Variants in PSD3 observed in about 807,000 individuals in gnomAD.
The protein encoded by PSD3 is pleckstrin and Sec7 domain containing 3, also known as PH and SEC7 domain-containing protein 3.
Under a neutral mutation model 105.5 loss-of-function variants are expected in PSD3, and 49 were observed. The observed-to-expected ratio is 0.46, with a 90% CI of 0.37 to 0.59. PSD3 has a LOEUF of 0.59. PSD3 is among the 20% of genes least tolerant of loss of function. The probability of loss-of-function intolerance (pLI) is 0.00; values close to 1 mark genes in which losing one functional copy is unlikely to be tolerated. For missense variants in PSD3, 1,561 were observed against 1,263.8 expected (o/e 1.24, Z -3.57); for synonymous variants, 557 against 457.8 (o/e 1.22, Z -2.77).
intron 1 of PSD3, among the ~76,000 whole-genome samples, chr8:18,941,152 T>C (rs912259857): frequency 6.6e-6 from 1 of 152,192 alleles, no homozygotes; most frequent in African/African-American, 2.4e-5. Context: ...CTGAATAAAA[T>C]ATATTCTTTT....
At chr8:18,841,536 G>A (rs952634152) in intron 4 of PSD3, among the ~76,000 whole-genome samples, 3 of 151,892 alleles carry the variant, frequency 2.0e-5, no homozygotes, top group Non-Finnish European at 4.4e-5. Context: ...GAGAGCAGAC[G>A]GGGCTCTCTA....
intron 2 of PSD3, among the ~76,000 whole-genome samples, chr8:18,929,562 AC>A (rs1477198051): frequency 4.6e-5 from 7 of 151,854 alleles, no homozygotes; most frequent in Non-Finnish European, 7.4e-5. Context: ...CATACACCCC[AC>A]CTCGTAGAAA....
chr8:18,867,606 T>C, intron 4 of PSD3, 68 bp downstream of exon 4: 3 of 1,510,776 alleles, frequency 2.0e-6, no homozygotes, highest in Non-Finnish European at 2.7e-6. Flanking sequence ...TATTCCACAC[T>C]CAGATTTCCC....
At chr8:18,594,376 TATA>T (rs1431832146) in intron 12 of PSD3, among the ~76,000 whole-genome samples, 1 of 107,132 alleles carries the variant, frequency 9.3e-6, no homozygotes, top group Non-Finnish European at 1.8e-5. Context: ...ATATAAATAA[TATA>T]ATACATTATA....
At chr8:18,720,227 CAT>C (rs1338358560) in intron 9 of PSD3, among the ~76,000 whole-genome samples, 1 of 152,134 alleles carries the variant, frequency 6.6e-6, no homozygotes, top group Non-Finnish European at 1.5e-5. Context: ...AATCCAAAAA[CAT>C]AACCATATTT....
At chr8:18,583,988 C>T (rs903320995) in intron 12 of PSD3, among the ~76,000 whole-genome samples, 2 of 152,060 alleles carry the variant, frequency 1.3e-5, no homozygotes, top group Non-Finnish European at 2.9e-5. Context: ...AGCCAAAGTT[C>T]AGCTGATACT....
At chr8:18,809,045 C>T (rs994177771) in intron 4 of PSD3, 17 of 839,994 alleles carry the variant, frequency 2.0e-5, no homozygotes, top group Middle Eastern at 3.9e-4. Flanking sequence ...ACAGTGAGCC[C>T]AGCCTCGTTC....
chr8:18,788,676 T>TA (rs923308286), intron 8 of PSD3, among the ~76,000 whole-genome samples: 1 of 152,186 alleles, frequency 6.6e-6, no homozygotes, highest in African/African-American at 2.4e-5. Flanking sequence ...CATCCATTGG[T>TA]AAAATCTGGC....
At chr8:18,907,915 T>A (rs1255881495) in intron 2 of PSD3, among the ~76,000 whole-genome samples, 1 of 152,248 alleles carries the variant, frequency 6.6e-6, no homozygotes, top group African/African-American at 2.4e-5. Flanking sequence ...ATTTAATTTT[T>A]ATAATCTTTT....
chr8:18,657,959 T>G (rs921133343), intron 9 of PSD3, among the ~76,000 whole-genome samples: 1 of 152,206 alleles, frequency 6.6e-6, no homozygotes, highest in African/African-American at 2.4e-5. Flanking sequence ...TAGCACAAAT[T>G]TTTTCAAATA....
chr8:18,826,165 C>T (rs1251719067), intron 4 of PSD3, among the ~76,000 whole-genome samples: 1 of 152,210 alleles, frequency 6.6e-6, no homozygotes, highest in Admixed American at 6.5e-5. Flanking sequence ...GGTTCTCAGG[C>T]TTTCATACTC....
chr8:18,952,409 T>A (rs1823297820), intron 1 of PSD3, among the ~76,000 whole-genome samples: 1 of 152,220 alleles, frequency 6.6e-6, no homozygotes, highest in East Asian at 1.9e-4. Flanking sequence ...AATTAAATTT[T>A]AAGTAAACTT....
intron 12 of PSD3, among the ~76,000 whole-genome samples, chr8:18,582,399 C>G (rs1158447756): frequency 6.6e-6 from 1 of 152,166 alleles, no homozygotes; most frequent in Non-Finnish European, 1.5e-5. Context: ...AGTTTTCTCT[C>G]TGGCTTAGTT....
At chr8:18,786,167 G>A (rs896589302) in intron 8 of PSD3, among the ~76,000 whole-genome samples, 3 of 152,252 alleles carry the variant, frequency 2.0e-5, no homozygotes, top group Middle Eastern at 3.4e-3. Context: ...TTGCGCCACT[G>A]CACTCCAGCC....
intron 2 of PSD3, among the ~76,000 whole-genome samples, chr8:18,904,269 C>A (rs185694601): frequency 2.7e-3 from 416 of 152,264 alleles, no homozygotes; most frequent in African/African-American, 9.6e-3. Flanking sequence ...CTCAGGGAGG[C>A]ACCAAGCCAC....
At chr8:18,810,657 G>A (rs1262537055) in intron 4 of PSD3, among the ~76,000 whole-genome samples, 1 of 152,098 alleles carries the variant, frequency 6.6e-6, no homozygotes, top group Non-Finnish European at 1.5e-5. Flanking sequence ...GTACCCCAAG[G>A]GTTGTACATA....
intron 1 of PSD3, among the ~76,000 whole-genome samples, chr8:19,069,977 G>T (rs1404168421): frequency 1.4e-5 from 2 of 146,714 alleles, no homozygotes; most frequent in Admixed American, 6.9e-5. Flanking sequence ...ACAGAGTCTT[G>T]CTCTGTCACC....
At chr8:18,603,941 C>A (rs534297958) in intron 11 of PSD3, among the ~76,000 whole-genome samples, 11 of 152,222 alleles carry the variant, frequency 7.2e-5, no homozygotes, top group African/African-American at 2.6e-4. Flanking sequence ...ACCCGTGAGC[C>A]AATTAAACCT....
intron 9 of PSD3, among the ~76,000 whole-genome samples, chr8:18,726,217 T>G (rs1803325619): frequency 6.6e-6 from 1 of 152,234 alleles, no homozygotes; most frequent in African/African-American, 2.4e-5. Flanking sequence ...TCTGTTTCTT[T>G]TATGCATTTA....
Sources: allele counts gnomAD v4.1 joint callset (sites outside exome capture counted in the v4.1 genomes callset), GRCh38; gene constraint gnomAD v4.1.1; transcripts MANE v1.5; gene names NCBI Gene and HGNC (gene_info 2026-07-23, HGNC 2026-07-21).